Variants in KCNIP3 observed in about 807,000 individuals in gnomAD.
KCNIP3 encodes calsenilin.
KCNIP3 carries 28 observed loss-of-function variants against 35.0 expected under a neutral mutation model. The observed-to-expected ratio is 0.80, with a 90% CI of 0.59 to 1.10. The LOEUF (loss-of-function observed/expected upper bound fraction) is 1.10. KCNIP3 is among the 50% of genes least tolerant of loss of function. The pLI, the probability that KCNIP3 is intolerant of heterozygous loss-of-function variation, is 0.00. For missense variants in KCNIP3, 295 were observed against 338.4 expected (o/e 0.87, Z 1.01); for synonymous variants, 134 against 133.8 (o/e 1.00, Z -0.01).
At chr2:95,326,147 A>C (rs990105002) in intron 2 of KCNIP3, among the ~76,000 whole-genome samples, 3 of 150,986 alleles carry the variant, frequency 2.0e-5, no homozygotes, top group African/African-American at 7.3e-5. Context: ...AGACACACAT[A>C]CACTTATATA....
intron 2 of KCNIP3, among the ~76,000 whole-genome samples, chr2:95,350,301 T>C: frequency 6.6e-6 from 1 of 152,214 alleles, no homozygotes; most frequent in East Asian, 1.9e-4. Flanking sequence ...TGTCACTCCC[T>C]TAAGATACTG....
At chr2:95,336,662 A>G (rs1351407267) in intron 2 of KCNIP3, among the ~76,000 whole-genome samples, 1 of 152,220 alleles carries the variant, frequency 6.6e-6, no homozygotes, top group Non-Finnish European at 1.5e-5. Context: ...CTCCCTATAA[A>G]GAGCATTGAG....
intron 2 of KCNIP3, among the ~76,000 whole-genome samples, chr2:95,357,181 A>G (rs952305122): frequency 3.9e-5 from 6 of 152,188 alleles, no homozygotes; most frequent in African/African-American, 1.4e-4. Context: ...AGACTTTCCA[A>G]TAAGTCTTAC....
chr2:95,324,549 T>TAAATAAAG (rs1004749912), intron 2 of KCNIP3, among the ~76,000 whole-genome samples: 2 of 150,824 alleles, frequency 1.3e-5, no homozygotes, highest in African/African-American at 4.9e-5. Context: ...AATAAATAAA[T>TAAATAAAG]AAATAAAAAT....
At chr2:95,361,412 A>G (rs1679796173) in intron 2 of KCNIP3, among the ~76,000 whole-genome samples, 1 of 152,188 alleles carries the variant, frequency 6.6e-6, no homozygotes, top group Non-Finnish European at 1.5e-5. Context: ...CCCTGTGGCC[A>G]GAGTGACCAT....
At chr2:95,306,212 C>T (rs547176784) in intron 1 of KCNIP3, among the ~76,000 whole-genome samples, 2 of 152,362 alleles carry the variant, frequency 1.3e-5, no homozygotes, top group Admixed American at 6.5e-5. Context: ...TGTCTCACAG[C>T]GGTCCTCCTC....
intron 2 of KCNIP3, chr2:95,347,031 G>C (rs1413476150): frequency 1.2e-6 from 2 of 1,609,514 alleles, no homozygotes; most frequent in Admixed American, 3.4e-5. Flanking sequence ...TGGGCATCCA[G>C]GGCATGGAGC....
chr2:95,372,875 A>G (rs1054230692), intron 2 of KCNIP3, among the ~76,000 whole-genome samples: 1 of 152,222 alleles, frequency 6.6e-6, no homozygotes, highest in Non-Finnish European at 1.5e-5. Context: ...AAACAGCCCA[A>G]TTGCTGAGCA....
chr2:95,373,801 A>G (rs1399437349), intron 2 of KCNIP3, among the ~76,000 whole-genome samples: 1 of 152,142 alleles, frequency 6.6e-6, no homozygotes, highest in Non-Finnish European at 1.5e-5. Flanking sequence ...AGATGTGAAT[A>G]ACACCCCTCT....
At chr2:95,371,660 T>A (rs1286531912) in intron 2 of KCNIP3, among the ~76,000 whole-genome samples, 1 of 152,172 alleles carries the variant, frequency 6.6e-6, no homozygotes, top group East Asian at 1.9e-4. Context: ...CTCTCTTTAG[T>A]TCTGAATTTT....
intron 2 of KCNIP3, among the ~76,000 whole-genome samples, chr2:95,340,652 T>A (rs1197312807): frequency 6.6e-6 from 1 of 152,216 alleles, no homozygotes; most frequent in Non-Finnish European, 1.5e-5. Flanking sequence ...TATGGGAAAG[T>A]CTTTCTCACA....
At chr2:95,303,871 A>G (rs1573477141) in intron 1 of KCNIP3, among the ~76,000 whole-genome samples, 2 of 152,378 alleles carry the variant, frequency 1.3e-5, no homozygotes, top group South Asian at 4.1e-4. Context: ...GCCAGTAGGC[A>G]CAGTAAAGAA....
intron 2 of KCNIP3, among the ~76,000 whole-genome samples, chr2:95,328,034 T>C (rs2104240580): frequency 6.6e-6 from 1 of 152,310 alleles, no homozygotes; most frequent in South Asian, 2.1e-4. Flanking sequence ...GAGCTGGGGC[T>C]CCGTGGCCCC....
chr2:95,361,096 T>C (rs991549305), intron 2 of KCNIP3, among the ~76,000 whole-genome samples: 10 of 152,212 alleles, frequency 6.6e-5, no homozygotes, highest in African/African-American at 2.4e-4. Context: ...AGTTAACATC[T>C]AAACACACAG....
At position 95,383,137 on chromosome 2, in the gene KCNIP3, C is replaced by T. The variant is rs936069898; in HGVS notation, c.661-95C>T. On this transcript the variant is annotated intron_variant, in intron 7 of 8. Transcript: ENST00000295225. ...CCCACCCGCCCATCCACCCACCCGC[C>T]CATCCACCCACCCATGACTTCTGCG... 40 of 730,430 alleles carry T rather than the reference C, an allele frequency of 5.5e-5. 1 individual carries two copies. The East Asian group carries it at 1.2e-3, about 22-fold the overall frequency. 45.2% of individuals were successfully genotyped at this position (730,430 alleles called of 1,614,324 possible).
chr2:95,342,117 G>C (rs1293469891), intron 2 of KCNIP3, among the ~76,000 whole-genome samples: 2 of 152,148 alleles, frequency 1.3e-5, no homozygotes, highest in Non-Finnish European at 1.5e-5. Flanking sequence ...TGAGATGAGA[G>C]AGTGCTGGGC....
rs1292456350 is a variant in KCNIP3 at position 95,355,566 on chromosome 2, G to C, written c.182-18730G>C. 2.0e-5 allele frequency among the ~76,000 whole-genome samples: 3 copies of C among 152,082 alleles called. No homozygotes were observed. The East Asian group carries it at 5.8e-4, about 29-fold the overall frequency. The stretch of plus-strand genomic sequence containing the variant: ...TGTGTCCAAGTGATCTCATTGTTCA[G>C]TTCCCACCTGTGAGTGAGAACATGC... On this transcript the variant is annotated intron_variant, in intron 2 of 8. Transcript: ENST00000295225.
At chr2:95,353,683 A>T (rs1345762935) in intron 2 of KCNIP3, among the ~76,000 whole-genome samples, 2 of 152,288 alleles carry the variant, frequency 1.3e-5, no homozygotes, top group East Asian at 3.9e-4. Flanking sequence ...GAGGGCAAGC[A>T]GAAGTGGGTG....
At chr2:95,326,093 A>T (rs560863194) in intron 2 of KCNIP3, among the ~76,000 whole-genome samples, 77 of 60,132 alleles carry the variant, frequency 1.3e-3, no homozygotes, top group African/African-American at 7.8e-3. Context: ...TCATATACAC[A>T]TACACACATA....
Sources: allele counts gnomAD v4.1 joint callset (sites outside exome capture counted in the v4.1 genomes callset), GRCh38; gene constraint gnomAD v4.1.1; transcripts MANE v1.5; gene names NCBI Gene and HGNC (gene_info 2026-07-23, HGNC 2026-07-21).